The following LRRTM4 variants were observed in gnomAD, a reference collection of about 807,000 sequenced individuals.
LRRTM4 encodes the protein leucine rich repeat transmembrane neuronal 4, also known as leucine-rich repeat transmembrane neuronal protein 4.
LRRTM4 carries 25 observed loss-of-function variants against 47.6 expected under a neutral mutation model. The observed-to-expected ratio is 0.53, with a 90% CI of 0.38 to 0.73. The LOEUF (loss-of-function observed/expected upper bound fraction) is 0.73, where lower values mean the gene tolerates loss of function less well. Ranked by LOEUF, LRRTM4 falls within the 30% of genes least tolerant of loss-of-function variation. LRRTM4 has a pLI of 0.00. For missense variants in LRRTM4, 638 were observed against 713.4 expected, an observed-to-expected ratio of 0.89 and a Z score of 1.20; for synonymous variants, 311 against 269.5, an observed-to-expected ratio of 1.15 and a Z score of -1.51.
intron 3 of LRRTM4, among the ~76,000 whole-genome samples, chr2:76,771,438 G>C (rs559260546): frequency 1.3e-5 from 2 of 152,246 alleles, no homozygotes; most frequent in East Asian, 3.9e-4. Flanking sequence ...TTGTTTGTAA[G>C]AATGAGGAAT....
chr2:76,940,362 T>C lies in LRRTM4; in HGVS notation c.1552-191446A>G, dbSNP rs76047481. Among the ~76,000 whole-genome samples, 1,113 of 152,226 alleles carry C rather than the reference T, an allele frequency of 7.3e-3. 30 individuals are homozygous for C. Among genetic ancestry groups the C allele is most frequent in the South Asian group, 0.068 (326 of 4,824 alleles). On this transcript the variant is annotated intron_variant, in intron 3 of 3. Coordinates refer to ENST00000409884, the MANE Select transcript of LRRTM4 (RefSeq NM_001134745.3). ...GAACATGGAGAGAGCTAGAGGCCAC[T>C]ATACTTAGCAAACTGACGCAGGAAC...
At chr2:77,105,910 T>C (rs1671081678) in intron 3 of LRRTM4, among the ~76,000 whole-genome samples, 1 of 152,182 alleles carries the variant, frequency 6.6e-6, no homozygotes, top group Admixed American at 6.5e-5. Context: ...AAATTAATCT[T>C]CAATTTATAA....
chr2:76,955,562 G>A (rs771085779), intron 3 of LRRTM4, among the ~76,000 whole-genome samples: 2 of 151,894 alleles, frequency 1.3e-5, no homozygotes, highest in African/African-American at 2.4e-5. Flanking sequence ...ACAAGACAGC[G>A]ATATGAACTG....
intron 3 of LRRTM4, among the ~76,000 whole-genome samples, chr2:77,156,722 T>C (rs1672569878): frequency 6.6e-6 from 1 of 151,522 alleles, no homozygotes; most frequent in Non-Finnish European, 1.5e-5. Flanking sequence ...TTTTTTTTTT[T>C]TTTGAGACAA....
At chr2:77,195,534 C>T (rs536364404) in intron 3 of LRRTM4, among the ~76,000 whole-genome samples, 1 of 151,996 alleles carries the variant, frequency 6.6e-6, no homozygotes, top group African/African-American at 2.4e-5. Flanking sequence ...TATCAAATAC[C>T]TTTACTGCAC....
chr2:76,976,847 T>C (rs1676433665), intron 3 of LRRTM4, among the ~76,000 whole-genome samples: 1 of 151,830 alleles, frequency 6.6e-6, no homozygotes, highest in African/African-American at 2.4e-5. Context: ...TTTTGAATGC[T>C]CATAACACAA....
chr2:76,941,158 G>C (rs1675129221), intron 3 of LRRTM4, among the ~76,000 whole-genome samples: 1 of 151,878 alleles, frequency 6.6e-6, no homozygotes, highest in Admixed American at 6.6e-5. Context: ...CAGAAGTAAG[G>C]TCAAACAAAA....
At chr2:76,940,586 T>C (rs755096734) in intron 3 of LRRTM4, among the ~76,000 whole-genome samples, 1 of 152,186 alleles carries the variant, frequency 6.6e-6, no homozygotes, top group Non-Finnish European at 1.5e-5. Context: ...CAAACCCCCA[T>C]GACACGAGTT....
At position 77,407,681 on chromosome 2, in the gene LRRTM4, TTTA is replaced by T. The variant is rs1162336076; in HGVS notation, c.1551+110634_1551+110636del. The stretch of plus-strand genomic sequence containing the variant: ...AATTATATATAATAATTATATAATA[TTTA>T]ATATAATATATGATATATATAATAT... On this transcript the variant is annotated intron_variant, in intron 3 of 3. Transcript: ENST00000409884. Among the ~76,000 whole-genome samples the T allele has an allele frequency of 3.3e-4, 46 of 137,770 alleles. 1 individual carries two copies. Among genetic ancestry groups the T allele is most frequent in the African/African-American group, 9.9e-4 (35 of 35,280 alleles). The allele number at this position is 137,770 out of a possible 152,430, so 90.4% of individuals were successfully genotyped here.
chr2:77,259,773 A>G (rs1039075253), intron 3 of LRRTM4, among the ~76,000 whole-genome samples: 1 of 152,088 alleles, frequency 6.6e-6, no homozygotes, highest in Non-Finnish European at 1.5e-5. Context: ...AGGATATATC[A>G]TATGCAAGGC....
At chr2:77,369,407 G>C (rs532491344) in intron 3 of LRRTM4, among the ~76,000 whole-genome samples, 2 of 151,582 alleles carry the variant, frequency 1.3e-5, no homozygotes, top group South Asian at 4.2e-4. Flanking sequence ...AAAATGGGGA[G>C]ATGTAGGTCA....
intron 3 of LRRTM4, among the ~76,000 whole-genome samples, chr2:77,098,461 T>A (rs893904799): frequency 2.0e-5 from 3 of 151,862 alleles, no homozygotes; most frequent in Non-Finnish European, 4.4e-5. Context: ...TAAGAAAAAA[T>A]AAATTAGATA....
chr2:76,917,188 T>C (rs1332819993), intron 3 of LRRTM4, among the ~76,000 whole-genome samples: 2 of 152,198 alleles, frequency 1.3e-5, no homozygotes, highest in African/African-American at 4.8e-5. Context: ...ATAAATGATA[T>C]GCAAATGAAT....
intron 3 of LRRTM4, among the ~76,000 whole-genome samples, chr2:77,146,989 G>T (rs1050978177): frequency 2.0e-5 from 3 of 152,048 alleles, no homozygotes; most frequent in African/African-American, 7.2e-5. Flanking sequence ...TCATTAACTG[G>T]CAAATCTGAT....
intron 3 of LRRTM4, among the ~76,000 whole-genome samples, chr2:77,335,202 C>T (rs374360339): frequency 8.7e-4 from 132 of 152,108 alleles, no homozygotes; most frequent in Non-Finnish European, 1.6e-3. Context: ...TATCCAGGTT[C>T]GATCTGTCTA....
intron 3 of LRRTM4, among the ~76,000 whole-genome samples, chr2:77,435,539 C>A (rs893945053): frequency 6.6e-6 from 1 of 152,038 alleles, no homozygotes; most frequent in Non-Finnish European, 1.5e-5. Flanking sequence ...ATAAACCCAA[C>A]ATTTGTTTAA....
chr2:77,432,757 C>A (rs1349932729), intron 3 of LRRTM4, among the ~76,000 whole-genome samples: 4 of 152,038 alleles, frequency 2.6e-5, no homozygotes, highest in Non-Finnish European at 5.9e-5. Context: ...ACACAAACAC[C>A]CAAACTCATG....
intron 3 of LRRTM4, among the ~76,000 whole-genome samples, chr2:77,148,437 C>G (rs1478954255): frequency 6.6e-6 from 1 of 152,004 alleles, no homozygotes; most frequent in African/African-American, 2.4e-5. Context: ...CTTTTTTTCC[C>G]CCAATAACTA....
chr2:77,380,071 A>G (rs1259871508), intron 3 of LRRTM4, among the ~76,000 whole-genome samples: 1 of 152,182 alleles, frequency 6.6e-6, no homozygotes, highest in Non-Finnish European at 1.5e-5. Flanking sequence ...CAAATAGTAT[A>G]TAGATTTTCT....
Sources: allele counts gnomAD v4.1 joint callset (sites outside exome capture counted in the v4.1 genomes callset), GRCh38; gene constraint gnomAD v4.1.1; transcripts MANE v1.5; gene names NCBI Gene and HGNC (gene_info 2026-07-23, HGNC 2026-07-21).